DPRX: variants seen among roughly 807,000 people sequenced by gnomAD.
DPRX encodes divergent paired-related homeobox.
Under a neutral mutation model 8.4 loss-of-function variants are expected in DPRX, and 11 were observed. The ratio of observed to expected loss-of-function variants is 1.31; its 90% CI spans 0.82 to 2.17. The LOEUF is 2.17. Among genes scored for constraint, DPRX ranks in the 30% most tolerant of loss-of-function variants. DPRX has a pLI of 0.00. For synonymous variants in DPRX, 72 were observed against 87.0 expected (o/e 0.83, Z 0.96); for missense variants, 211 against 236.7 (o/e 0.89, Z 0.71).
the DPRX span, among the ~76,000 whole-genome samples, chr19:53,607,651 A>C: frequency 6.6e-6 from 1 of 150,996 alleles, no homozygotes. Flanking sequence ...CAGGAGTTTG[A>C]GACCAGCCTG....
At chr19:53,636,904 C>T (rs377588451) in exon 3 of DPRX, 1 of 1,613,894 alleles carries the variant, frequency 6.2e-7, no homozygotes, top group Non-Finnish European at 8.5e-7. Flanking sequence ...ACTGCCTCTA[C>T]CCCATTTTGG....
the DPRX span, among the ~76,000 whole-genome samples, chr19:53,616,533 T>C: frequency 6.6e-6 from 1 of 152,168 alleles, no homozygotes; most frequent in African/African-American, 2.4e-5. Flanking sequence ...GGCGGGTGGA[T>C]CACTTGAGGT....
chr19:53,623,322 T>A, the DPRX span, among the ~76,000 whole-genome samples: 127 of 141,736 alleles, frequency 9.0e-4, no homozygotes, highest in African/African-American at 3.2e-3. Context: ...AATAAATAAA[T>A]AAATAAATAA....
the DPRX span, among the ~76,000 whole-genome samples, chr19:53,626,785 G>T: frequency 4.6e-5 from 7 of 152,062 alleles, no homozygotes; most frequent in Admixed American, 1.3e-4. Context: ...TGTAGCCTCC[G>T]CCTCCAGGGT....
At chr19:53,631,918 A>G, upstream of DPRX, 1 of 712,536 alleles carries the variant, frequency 1.4e-6, no homozygotes, top group South Asian at 1.9e-5. Context: ...ATTAGATAAA[A>G]TGACAGTATT....
the DPRX span, among the ~76,000 whole-genome samples, chr19:53,613,151 C>A: frequency 3.4e-4 from 52 of 152,042 alleles, no homozygotes; most frequent in Non-Finnish European, 7.3e-5. Flanking sequence ...AAGAAACTTC[C>A]GCTTCTGAAG....
chr19:53,634,386 G>T (rs2122164450), intron 1 of DPRX, 145 bp from the exon 2 acceptor site: 1 of 956,708 alleles, frequency 1.0e-6, no homozygotes, highest in East Asian at 2.6e-5. Context: ...AGCTGAGATT[G>T]TGCCACTGCA....
upstream of DPRX, among the ~76,000 whole-genome samples, chr19:53,631,603 T>A (rs1424782366): frequency 6.6e-6 from 1 of 151,764 alleles, no homozygotes; most frequent in Non-Finnish European, 1.5e-5. Flanking sequence ...CTACTAAAAA[T>A]ACAAAAATTA....
chr19:53,632,190 C>A, intron 1 of DPRX, 56 bp downstream of exon 1: 2 of 1,613,090 alleles, frequency 1.2e-6, no homozygotes, highest in Non-Finnish European at 8.5e-7. Flanking sequence ...TGGAAAGCAG[C>A]TGGCGGCGGG....
At chr19:53,633,752 C>T (rs1215565564) in intron 1 of DPRX, among the ~76,000 whole-genome samples, 4 of 152,116 alleles carry the variant, frequency 2.6e-5, no homozygotes. Context: ...TCATGATCCG[C>T]CCGCCTTGGC....
At chr19:53,621,709 T>C in the DPRX span, among the ~76,000 whole-genome samples, 37 of 151,742 alleles carry the variant, frequency 2.4e-4, no homozygotes, top group Non-Finnish European at 4.6e-4. Context: ...CGGTTGAACC[T>C]GGAGGTAGAG....
the DPRX span, among the ~76,000 whole-genome samples, chr19:53,625,453 C>T: frequency 2.0e-4 from 31 of 152,052 alleles, no homozygotes; most frequent in Admixed American, 2.0e-3. Flanking sequence ...TCTCCTGCTA[C>T]CCTGCTACCG....
the DPRX span, among the ~76,000 whole-genome samples, chr19:53,609,075 A>T: frequency 6.6e-6 from 1 of 152,064 alleles, no homozygotes; most frequent in African/African-American, 2.4e-5. Context: ...TAGCAAAAGG[A>T]ATCCTGAACA....
the DPRX span, chr19:53,601,882 C>T: frequency 2.6e-6 from 1 of 389,128 alleles, no homozygotes; most frequent in East Asian, 7.1e-5. Flanking sequence ...CATGAACAGT[C>T]CATTGGTTTT....
At chr19:53,636,753 C>G in exon 3 of DPRX, 1 of 1,614,188 alleles carries the variant, frequency 6.2e-7, no homozygotes, top group Non-Finnish European at 8.5e-7. Flanking sequence ...CCCAACGCTG[C>G]TCACCCGATC....
the DPRX span, among the ~76,000 whole-genome samples, chr19:53,613,923 T>A: frequency 2.0e-5 from 3 of 151,916 alleles, no homozygotes; most frequent in Admixed American, 2.0e-4. Flanking sequence ...GTCCAAGCCT[T>A]TTGCCCATTT....
intron 1 of DPRX, among the ~76,000 whole-genome samples, 173 bp downstream of exon 1, chr19:53,632,307 TTTGTTTGTC>T (rs1314181526): frequency 7.2e-5 from 11 of 151,908 alleles, no homozygotes; most frequent in East Asian, 1.9e-4. Context: ...TTTGTTTTGT[TTTGTTTGTC>T]TTTTGAGACA....
At chr19:53,601,308 C>T in the DPRX span, 1 of 456,580 alleles carries the variant, frequency 2.2e-6, no homozygotes, top group Non-Finnish European at 4.4e-6. Context: ...TCTCAGTGGT[C>T]ATCTGCATCA....
At chr19:53,636,716 A>C in exon 3 of DPRX, 1 of 1,614,162 alleles carries the variant, frequency 6.2e-7, no homozygotes, top group Non-Finnish European at 8.5e-7. Context: ...TGTCGGCCTG[A>C]GAAATGCAGA....
Sources: gnomAD v4.1 joint callset for allele counts (sites outside exome capture counted in the v4.1 genomes callset) on GRCh38, gnomAD v4.1.1 for gene constraint, MANE v1.5 for transcripts, NCBI Gene and HGNC (gene_info 2026-07-23, HGNC 2026-07-21) for gene names.